BAZ1B: variants seen among roughly 807,000 people sequenced by gnomAD.
The protein encoded by BAZ1B is bromodomain adjacent to zinc finger domain 1B, also known as tyrosine-protein kinase BAZ1B.
In BAZ1B, 22 loss-of-function variants were observed where a neutral mutation model predicts 153.8. The ratio of observed to expected loss-of-function variants is 0.14; its 90% confidence interval spans 0.10 to 0.20. BAZ1B has a LOEUF of 0.20. BAZ1B is among the 10% of genes least tolerant of loss of function. BAZ1B has a pLI of 1.00. For synonymous variants in BAZ1B, 676 were observed against 633.4 expected (o/e 1.07, Z -1.01); for missense variants, 1,325 against 1,799.3 (o/e 0.74, Z 4.77).
intron 10 of BAZ1B, among the ~76,000 whole-genome samples, chr7:73,465,928 G>A (rs1554571109): frequency 6.6e-6 from 1 of 152,078 alleles, no homozygotes; most frequent in Non-Finnish European, 1.5e-5. Flanking sequence ...AAGCAGAAAT[G>A]CGCATAAAGG....
intron 11 of BAZ1B, among the ~76,000 whole-genome samples, chr7:73,464,719 G>T (rs1381988696): frequency 2.6e-5 from 4 of 151,936 alleles, no homozygotes; most frequent in Non-Finnish European, 5.9e-5. Flanking sequence ...ACTAAATTTT[G>T]GGGGTTTTTT....
At chr7:73,469,685 A>T in intron 8 of BAZ1B, 35 bp from the exon 9 acceptor site, 1 of 1,610,582 alleles carries the variant, frequency 6.2e-7, no homozygotes, top group Admixed American at 1.7e-5. Context: ...AAGACAGTGA[A>T]TAGATCAGGA....
At chr7:73,521,030 G>A (rs551831039) in intron 1 of BAZ1B, among the ~76,000 whole-genome samples, 1 of 152,186 alleles carries the variant, frequency 6.6e-6, no homozygotes, top group East Asian at 1.9e-4. Flanking sequence ...GTCATGACGA[G>A]AGGATGCTTC....
At chr7:73,465,622 G>A in intron 10 of BAZ1B, 85 bp from the exon 11 acceptor site, 1 of 799,598 alleles carries the variant, frequency 1.3e-6, no homozygotes, top group Non-Finnish European at 2.0e-6. Context: ...TAGAGTTGGT[G>A]GTGGGACTTG....
At chr7:73,480,384 T>C (rs1185929953) in intron 6 of BAZ1B, among the ~76,000 whole-genome samples, 1 of 152,124 alleles carries the variant, frequency 6.6e-6, no homozygotes, top group Non-Finnish European at 1.5e-5. Flanking sequence ...CCACTGCTTC[T>C]CTTTTTAAAT....
rs201882071 is a variant in BAZ1B, at chr7:73,459,589, A to C, written c.3379T>G (p.Ser1127Ala). The stretch of plus-strand genomic sequence containing the variant: ...TCATCCACTTCCTCAGTTTTTGCTG[A>C]ATCTTCACTTTGGAGTTTTCTTCTC... ...QKRRKLQSED[S>A]AKTEEVDEEK... Residue 1127 changes from serine to alanine, a missense_variant, in exon 13 of 20, where the codon TCA becomes GCA. Transcript: ENST00000339594. The C allele has an allele frequency of 8.1e-6, 13 of 1,613,880 alleles. No homozygotes were observed. In the East Asian group the frequency reaches 2.7e-4, roughly 33 times the overall value.
rs372085159 is a variant in BAZ1B at position 73,470,446 on chromosome 7, C to T, written c.2631G>A (p.Arg877=). Residue 877 remains arginine, a synonymous_variant, in exon 8 of 20, where the codon CGG becomes CGA. Coordinates refer to ENST00000339594, the MANE Select transcript of BAZ1B (RefSeq NM_032408.4). ...LERQAEEERI[R]KHKAAAEKAF... ...CTTTCTCAGCAGCTGCTTTGTGCTT[C>T]CGTATTCGTTCTTCTTCAGCTTGGC... The T allele has an allele frequency of 1.9e-5, 30 of 1,613,886 alleles. No homozygotes were observed. The East Asian group carries it at 3.3e-4, about 18-fold the overall frequency.
chr7:73,505,193 T>C (rs1554577594), intron 3 of BAZ1B, among the ~76,000 whole-genome samples: 2 of 152,186 alleles, frequency 1.3e-5, no homozygotes, highest in African/African-American at 4.8e-5. Context: ...GAGCTTTCTA[T>C]TTTATGCTTC....
At chr7:73,462,761 C>G (rs1788437623) in intron 12 of BAZ1B, 161 bp downstream of exon 12, 2 of 727,402 alleles carry the variant, frequency 2.7e-6, no homozygotes, top group Non-Finnish European at 4.5e-6. Context: ...GGAAAAAATA[C>G]ATATACATAA....
At chr7:73,513,908 G>A (rs565565864) in intron 1 of BAZ1B, among the ~76,000 whole-genome samples, 1 of 152,060 alleles carries the variant, frequency 6.6e-6, no homozygotes, top group African/African-American at 2.4e-5. Context: ...CAGAGAGAAT[G>A]TAAGAGAAAT....
intron 4 of BAZ1B, among the ~76,000 whole-genome samples, chr7:73,497,391 ATTG>A (rs1295465164): frequency 2.6e-5 from 4 of 152,132 alleles, no homozygotes; most frequent in Non-Finnish European, 5.9e-5. Flanking sequence ...AGTTCATTTT[ATTG>A]TTATTATTTA....
At chr7:73,464,258 C>T in intron 11 of BAZ1B, 1 of 627,592 alleles carries the variant, frequency 1.6e-6, no homozygotes, top group South Asian at 7.1e-5. Context: ...AAGCCAAAAT[C>T]TTGTCCTGGC....
At chr7:73,442,136 T>TACCCAAC in intron 19 of BAZ1B, 45 bp downstream of exon 19, 1 of 573,492 alleles carries the variant, frequency 1.7e-6, no homozygotes, top group Non-Finnish European at 3.2e-6. Context: ...CTCGCTCGCC[T>TACCCAAC]CCCTCCCACC....
chr7:73,466,261 AAAAG>A (rs782107091), intron 10 of BAZ1B, 31 bp downstream of exon 10: 6 of 1,481,890 alleles, frequency 4.0e-6, no homozygotes, highest in South Asian at 3.5e-5. Context: ...ATTAAAAGGA[AAAAG>A]AAAGAGCAAC....
chr7:73,468,371 C>T (rs1194094308), intron 9 of BAZ1B, among the ~76,000 whole-genome samples: 4 of 151,774 alleles, frequency 2.6e-5, no homozygotes, highest in Non-Finnish European at 5.9e-5. Flanking sequence ...CACAGGACAG[C>T]TCCCAGTACA....
At position 73,477,888 on chromosome 7, in the gene BAZ1B, G is replaced by A; in HGVS notation, c.1573C>T (p.Arg525Cys). ...TTTTTGTGCTCTAGAAGTTCATAGC[G>A]TTTTTGAACAAGACTTCGCAATTCT... is the stretch of plus-strand genomic sequence containing the variant. The part of the protein sequence containing the change: ...PEELRSLVQK[R>C]YELLEHKKRW... The change falls in exon 7 of 20, where the codon CGC (arginine) becomes TGC (cysteine). Residue 525 changes from arginine (R) to cysteine (C), a missense_variant. By Grantham distance (180) the Arg-to-Cys change is radical. Coordinates refer to ENST00000339594, the MANE Select transcript of BAZ1B (RefSeq NM_032408.4). The surrounding 1 kb of genome is among the most constrained non-coding windows in gnomAD (Gnocchi z 5.6). 2 of 1,614,088 alleles carry A rather than the reference G, an allele frequency of 1.2e-6. No homozygotes were observed. The highest frequency in any genetic ancestry group is 1.7e-6 in the Non-Finnish European group (2 of 1,180,020).
chr7:73,520,757 TGA>T (rs1473304036), intron 1 of BAZ1B, among the ~76,000 whole-genome samples: 3 of 152,304 alleles, frequency 2.0e-5, no homozygotes, highest in African/African-American at 4.8e-5. Flanking sequence ...GAAATAACTC[TGA>T]GAGACACTTC....
chr7:73,484,424 A>G (rs1285174877), intron 6 of BAZ1B, among the ~76,000 whole-genome samples: 2 of 152,114 alleles, frequency 1.3e-5, no homozygotes, highest in East Asian at 3.9e-4. Context: ...GGATTGCTTG[A>G]GCCCAGGAGT....
Position 73,469,439 on chromosome 7 carries a change from G to C in BAZ1B, c.2866+78C>G, listed in dbSNP as rs1469585998. ...AAGAAATTCTGCAAATGGAAAACGT[G>C]ACAGAGGAAAAGCAGTCCTTAATGT... is the stretch of plus-strand genomic sequence containing the variant. On this transcript the variant is annotated intron_variant, in intron 9 of 19. Transcript: ENST00000339594. The C allele has an allele frequency of 2.6e-6, 4 of 1,541,816 alleles. No homozygotes were observed. The Admixed American group carries it at 7.1e-5, about 27-fold the overall frequency.
Sources: gnomAD v4.1 joint callset for allele counts (sites outside exome capture counted in the v4.1 genomes callset) on GRCh38, gnomAD v4.1.1 for gene constraint, Gnocchi (gnomAD v3.1) non-coding constraint, MANE v1.5 for transcripts, NCBI Gene and HGNC (gene_info 2026-07-23, HGNC 2026-07-21) for gene names.